The following TSHZ2 variants were observed in gnomAD, a reference collection of about 807,000 sequenced individuals.
The protein encoded by TSHZ2 is teashirt homolog 2.
A neutral mutation model predicts 74.4 loss-of-function variants in TSHZ2; 21 were observed. The observed-to-expected ratio is 0.28, with a 90% CI of 0.20 to 0.41. The LOEUF (loss-of-function observed/expected upper bound fraction) is 0.41, where lower values mean the gene tolerates loss of function less well. Ranked by LOEUF, TSHZ2 falls within the 10% of genes least tolerant of loss-of-function variation. TSHZ2 has a pLI of 1.00. For synonymous variants in TSHZ2, 540 were observed against 515.3 expected, an observed-to-expected ratio of 1.05 and a Z score of -0.65; for missense variants, 1,244 against 1,293.5, an observed-to-expected ratio of 0.96 and a Z score of 0.59.
At chr20:53,478,682 AAT>A in intron 2 of TSHZ2, among the ~76,000 whole-genome samples, 1 of 150,620 alleles carries the variant, frequency 6.6e-6, no homozygotes. Context: ...AATAAAAATA[AAT>A]AAATAAATTT....
intron 1 of TSHZ2, among the ~76,000 whole-genome samples, chr20:53,148,928 C>T (rs150964746): frequency 7.2e-5 from 11 of 152,298 alleles, no homozygotes; most frequent in Non-Finnish European, 1.3e-4. Context: ...CAGGAATCAA[C>T]CTTTTCCTCC....
At chr20:53,264,720 C>T (rs78157750) in intron 2 of TSHZ2, among the ~76,000 whole-genome samples, 56 of 152,282 alleles carry the variant, frequency 3.7e-4, no homozygotes, top group African/African-American at 1.2e-3. Context: ...GTTATTGTTC[C>T]GTGATATGTG....
rs1986332186 is a variant in TSHZ2, at chr20:53,487,792, G to A, written c.*657G>A. Reference sequence around the variant, plus strand: ...TGAGCCAAGAAAACCCCTGAACAATGTTCATCTTCTGTGAAACTTGCTCAA... The same window carrying A: ...TGAGCCAAGAAAACCCCTGAACAATATTCATCTTCTGTGAAACTTGCTCAA... On this transcript the variant is annotated 3_prime_UTR_variant, in exon 3 of 3. Coordinates refer to ENST00000371497, the MANE Select transcript of TSHZ2 (RefSeq NM_173485.6). 1 of 152,172 alleles carries A rather than the reference G, an allele frequency of 6.6e-6. No individual in the cohort carries two copies. Among genetic ancestry groups the A allele is most frequent in the Admixed American group, 6.5e-5 (1 of 15,276 alleles). The allele number at this position is 152,172 out of a possible 1,614,324, so 9.4% of individuals were successfully genotyped here. A position where few individuals can be genotyped will look rare whatever the true frequency, so the allele number is the denominator to read the frequency against.
At chr20:53,461,167 A>G (rs1437589968) in intron 2 of TSHZ2, among the ~76,000 whole-genome samples, 1 of 152,102 alleles carries the variant, frequency 6.6e-6, no homozygotes, top group East Asian at 1.9e-4. Flanking sequence ...GTTTGATCTC[A>G]GACTGCTGTG....
At chr20:53,458,823 C>T (rs1328645851) in intron 2 of TSHZ2, among the ~76,000 whole-genome samples, 1 of 151,930 alleles carries the variant, frequency 6.6e-6, no homozygotes, top group East Asian at 1.9e-4. Context: ...GTTATGTACC[C>T]AGTAGTCATT....
intron 1 of TSHZ2, among the ~76,000 whole-genome samples, chr20:53,060,724 A>G (rs1257599450): frequency 1.3e-5 from 2 of 152,208 alleles, no homozygotes; most frequent in Admixed American, 6.5e-5. Context: ...AGTGTTTAAA[A>G]GTGTTTTTTC....
rs1431324544 is a variant in TSHZ2 at position 53,256,654 on chromosome 20, C to A, written c.*8+83C>A. ...GATGGGTCTGCTTAGAGGCAGCTAG[C>A]ATCTCCCAATGCCAAGCAGGATAGT... On this transcript the variant is annotated intron_variant, in intron 2 of 2. Transcript: ENST00000371497. This position sits in a 1 kb window ranked among gnomAD's most constrained non-coding sequence, Gnocchi z 4.3. The A allele has an allele frequency of 1.3e-6, 2 of 1,481,616 alleles. No homozygotes were observed. Among genetic ancestry groups the A allele is most frequent in the Non-Finnish European group, 9.0e-7 (1 of 1,115,214 alleles). 91.8% of individuals were successfully genotyped at this position (1,481,616 alleles called of 1,614,324 possible). A position where few individuals can be genotyped will look rare whatever the true frequency, so the allele number is the denominator to read the frequency against.
chr20:53,300,846 T>C (rs2145480590), intron 2 of TSHZ2, among the ~76,000 whole-genome samples: 1 of 152,352 alleles, frequency 6.6e-6, no homozygotes, highest in South Asian at 2.1e-4. Context: ...ATTGGCAATG[T>C]GTTTCCTTTT....
At chr20:53,428,878 C>T (rs1983743360) in intron 2 of TSHZ2, among the ~76,000 whole-genome samples, 1 of 152,142 alleles carries the variant, frequency 6.6e-6, no homozygotes, top group Non-Finnish European at 1.5e-5. Context: ...TCTGCTCTAT[C>T]AGGAAATGCC....
chr20:53,048,010 G>A (rs2123117491), intron 1 of TSHZ2, among the ~76,000 whole-genome samples: 1 of 152,314 alleles, frequency 6.6e-6, no homozygotes, highest in East Asian at 1.9e-4. Flanking sequence ...TTCGTAAGTG[G>A]CTGAGTGGCG....
intron 1 of TSHZ2, among the ~76,000 whole-genome samples, chr20:52,984,126 C>CG (rs1267290095): frequency 6.6e-6 from 1 of 152,104 alleles, no homozygotes; most frequent in African/African-American, 2.4e-5. Flanking sequence ...CTGGAGAGCA[C>CG]GGGGGAGATT....
At chr20:53,328,308 G>T (rs576771027) in intron 2 of TSHZ2, among the ~76,000 whole-genome samples, 2 of 152,192 alleles carry the variant, frequency 1.3e-5, no homozygotes, top group Non-Finnish European at 2.9e-5. Context: ...AAATTGAGAA[G>T]GTCGTGGAAA....
At chr20:53,061,251 A>G (rs896208486) in intron 1 of TSHZ2, among the ~76,000 whole-genome samples, 48 of 152,216 alleles carry the variant, frequency 3.2e-4, no homozygotes, top group Admixed American at 2.7e-3. Context: ...TTTTAAGCAC[A>G]TAGAGGAATT....
In TSHZ2 at chr20:53,302,280, G is replaced by A. The variant is rs545970116; in HGVS notation, c.*8+45709G>A. On this transcript the variant is annotated intron_variant, in intron 2 of 2. Transcript: ENST00000371497. ...CGGTTTTGCCCGATGTTAGCAAAGC[G>A]TTGAGGAAAATTTTGTGGGAATTGC... Among the ~76,000 whole-genome samples the A allele has an allele frequency of 2.6e-5, 4 of 152,274 alleles. No homozygotes were observed. The South Asian group carries it at 6.2e-4, about 24-fold the overall frequency.
chr20:52,999,681 A>G (rs1982340880), intron 1 of TSHZ2, among the ~76,000 whole-genome samples: 1 of 152,208 alleles, frequency 6.6e-6, no homozygotes, highest in South Asian at 2.1e-4. Context: ...TGTGACTGGA[A>G]TCATCAGAAT....
intron 2 of TSHZ2, among the ~76,000 whole-genome samples, chr20:53,386,874 A>G (rs156628): frequency 0.53 from 79,976 of 150,846 alleles, 24,484 homozygotes; most frequent in Non-Finnish European, 0.7. Context: ...ACTCTGCCTC[A>G]CCTAGCCTTT....
chr20:52,991,828 C>G (rs2122921968), intron 1 of TSHZ2, among the ~76,000 whole-genome samples: 1 of 149,960 alleles, frequency 6.7e-6, no homozygotes, highest in African/African-American at 2.5e-5. Flanking sequence ...AAAAGCTTTT[C>G]TGGTGCATGA....
intron 1 of TSHZ2, among the ~76,000 whole-genome samples, chr20:53,146,453 A>C (rs1036601831): frequency 1.3e-5 from 2 of 152,206 alleles, no homozygotes; most frequent in African/African-American, 4.8e-5. Flanking sequence ...ACTATCTGAC[A>C]ATATCAAGAG....
rs184283338 is a variant in TSHZ2, at chr20:53,030,794, G to A, written c.40+57461G>A. 2.2e-3 allele frequency among the ~76,000 whole-genome samples: 336 copies of A among 152,330 alleles called. 1 individual carries two copies. The highest frequency in any genetic ancestry group is 7.7e-3 in the African/African-American group (322 of 41,558). ...TTCAAAAGCTTTTTCACATAGAGAT[G>A]CGTAATGTAAACATTATAATCATAT... is the stretch of plus-strand genomic sequence containing the variant. On this transcript the variant is annotated intron_variant, in intron 1 of 2. Transcript: ENST00000371497.
Sources: gnomAD v4.1 joint callset for allele counts (sites outside exome capture counted in the v4.1 genomes callset) on GRCh38, gnomAD v4.1.1 for gene constraint, Gnocchi (gnomAD v3.1) non-coding constraint, MANE v1.5 for transcripts, NCBI Gene and HGNC (gene_info 2026-07-23, HGNC 2026-07-21) for gene names.